The following BCO1 variants were observed in gnomAD, a reference collection of about 807,000 sequenced individuals.
BCO1 encodes beta,beta-carotene 15,15'-dioxygenase.
Under a neutral mutation model 56.3 loss-of-function variants are expected in BCO1, and 54 were observed. The observed-to-expected ratio is 0.96, with a 90% confidence interval of 0.77 to 1.20. BCO1 has a LOEUF of 1.20. BCO1 is among the 50% of genes most tolerant of loss of function. The probability of loss-of-function intolerance (pLI) is 0.00; values close to 1 mark genes in which losing one functional copy is unlikely to be tolerated. For missense variants in BCO1, 801 were observed against 690.9 expected (o/e 1.16, Z -1.79); for synonymous variants, 318 against 266.1 (o/e 1.20, Z -1.90).
chr16:81,262,741 C>T lies in BCO1; in HGVS notation c.471+458C>T, dbSNP rs376513245. The T allele has an allele frequency of 1.1e-4, 29 of 264,168 alleles. No individual in the cohort carries two copies. The East Asian group carries it at 2.3e-3, about 21-fold the overall frequency. The allele number at this position is 264,168 out of a possible 1,614,324, so 16.4% of individuals were successfully genotyped here. A position where few individuals can be genotyped will look rare whatever the true frequency, so the allele number is the denominator to read the frequency against. On this transcript the variant is annotated intron_variant, in intron 4 of 10. Transcript: ENST00000258168. ...TACTCTGAGGCTGAGGCAGGAGAAT[C>T]GCTTGAACTCAGGAGGGGGAGGTTG...
chr16:81,245,524 G>A lies in BCO1; in HGVS notation c.114G>A (p.Gly38=), dbSNP rs1409116730. 6.2e-7 allele frequency: 1 copy of A among 1,613,788 alleles called. No individual in the cohort carries two copies. Among genetic ancestry groups the A allele is most frequent in the Non-Finnish European group, 8.5e-7 (1 of 1,179,704 alleles). Reference sequence around the variant, plus strand: ...GAACCCTGCTCCGCAATGGGCCTGGGATGCACACAGTTGGGGAGTCCAGAT... The same window carrying A: ...GAACCCTGCTCCGCAATGGGCCTGGAATGCACACAGTTGGGGAGTCCAGAT... The part of the protein sequence containing the change: ...LQGTLLRNGP[G]MHTVGESRYN... The change falls in exon 2 of 11, where the codon GGG becomes GGA. Residue 38 remains glycine (G), a synonymous_variant. Coordinates refer to ENST00000258168, the MANE Select transcript of BCO1 (RefSeq NM_017429.3).
chr16:81,282,314 G>A (rs1907927200), intron 8 of BCO1, among the ~76,000 whole-genome samples: 1 of 152,160 alleles, frequency 6.6e-6, no homozygotes, highest in Admixed American at 6.5e-5. Flanking sequence ...GAACCCCGAA[G>A]GCAGAGCAGA....
At chr16:81,266,600 AG>A (rs1199585920) in intron 5 of BCO1, among the ~76,000 whole-genome samples, 1 of 152,150 alleles carries the variant, frequency 6.6e-6, no homozygotes, top group African/African-American at 2.4e-5. Context: ...AAAGGGATAT[AG>A]GGGTCAAGCT....
chr16:81,251,261 A>G (rs1905780069), intron 2 of BCO1, among the ~76,000 whole-genome samples: 1 of 152,068 alleles, frequency 6.6e-6, no homozygotes, highest in Non-Finnish European at 1.5e-5. Context: ...AATGCTCTAA[A>G]AAAAAAACAA....
chr16:81,280,084 GA>G (rs2150638542), intron 7 of BCO1, among the ~76,000 whole-genome samples: 1 of 151,864 alleles, frequency 6.6e-6, no homozygotes, highest in South Asian at 2.1e-4. Flanking sequence ...CCAACATGAT[GA>G]AACCCCATCT....
At chr16:81,253,387 G>A (rs1905931335) in intron 2 of BCO1, among the ~76,000 whole-genome samples, 1 of 152,176 alleles carries the variant, frequency 6.6e-6, no homozygotes, top group African/African-American at 2.4e-5. Flanking sequence ...CGATCCTCAT[G>A]TCATAGTGGA....
chr16:81,274,364 C>T (rs920336256), intron 7 of BCO1, among the ~76,000 whole-genome samples: 10 of 150,846 alleles, frequency 6.6e-5, no homozygotes, highest in East Asian at 4.0e-4. Flanking sequence ...CCCGGGTTCA[C>T]GCCATTCTGC....
intron 5 of BCO1, among the ~76,000 whole-genome samples, chr16:81,266,753 A>G (rs1906853203): frequency 6.6e-6 from 1 of 152,184 alleles, no homozygotes; most frequent in African/African-American, 2.4e-5. Context: ...ACATCCTGCA[A>G]GCAGAGATCC....
Position 81,274,373 on chromosome 16 carries a change from G to C in BCO1, c.1101+3957G>C, listed in dbSNP as rs930359450. Among the ~76,000 whole-genome samples the C allele has an allele frequency of 8.8e-5, 13 of 148,304 alleles. No homozygotes were observed. In the South Asian group the frequency reaches 1.9e-3, roughly 22 times the overall value. ...CCGCCTCCCGGGTTCACGCCATTCT[G>C]CTGCCTCAGCCTCCCTAGTGGCTGG... On this transcript the variant is annotated intron_variant, in intron 7 of 10. Transcript: ENST00000258168.
intron 1 of BCO1, among the ~76,000 whole-genome samples, chr16:81,242,906 G>T (rs1905202997): frequency 6.6e-6 from 1 of 152,074 alleles, no homozygotes; most frequent in Non-Finnish European, 1.5e-5. Context: ...GCACATAGGA[G>T]GGATCTAGGT....
rs376777332 is a variant in BCO1, at chr16:81,270,407, C to T, written c.1092C>T (p.His364=). 18 of 1,613,890 alleles carry T rather than the reference C, an allele frequency of 1.1e-5. No individual in the cohort carries two copies. The highest frequency in any genetic ancestry group is 4.0e-5 in the African/African-American group (3 of 74,898). ...TCAGGAGGTTTGCCGTGCCCCTCCA[C>T]GTGGACAAGGTAATGGCTTCCAAGG... The part of the protein sequence containing the change: ...PTLRRFAVPL[H]VDKNAEVGTN... The change falls in exon 7 of 11, where the codon CAC becomes CAT. Residue 364 remains histidine (H), a synonymous_variant. Transcript: ENST00000258168.
At chr16:81,256,994 A>G (rs938270517) in intron 2 of BCO1, among the ~76,000 whole-genome samples, 11 of 152,118 alleles carry the variant, frequency 7.2e-5, no homozygotes, top group Non-Finnish European at 1.3e-4. Flanking sequence ...CTAATGTTCC[A>G]GCCCAGCCGA....
intron 1 of BCO1, among the ~76,000 whole-genome samples, chr16:81,243,442 C>T (rs1905227259): frequency 7.0e-6 from 1 of 143,156 alleles, no homozygotes; most frequent in African/African-American, 2.6e-5. Context: ...GCTTGCCCGT[C>T]TCCTGGTCTT....
chr16:81,279,785 C>A (rs1215547697), intron 7 of BCO1, among the ~76,000 whole-genome samples: 1 of 152,182 alleles, frequency 6.6e-6, no homozygotes, highest in Non-Finnish European at 1.5e-5. Context: ...CAAAATCTGA[C>A]TGTAAATTGA....
chr16:81,249,466 C>T (rs1042151918), intron 2 of BCO1, among the ~76,000 whole-genome samples: 18 of 152,294 alleles, frequency 1.2e-4, no homozygotes, highest in East Asian at 1.9e-4. Context: ...CCGTGTTAGC[C>T]AGGATGGTCT....
intron 8 of BCO1, among the ~76,000 whole-genome samples, chr16:81,281,397 G>C (rs901400162): frequency 2.6e-5 from 4 of 152,210 alleles, no homozygotes; most frequent in African/African-American, 9.7e-5. Flanking sequence ...AGTGAGTTGA[G>C]ATTGTGCTAT....
chr16:81,241,618 C>G (rs1905114438), intron 1 of BCO1, among the ~76,000 whole-genome samples: 1 of 152,194 alleles, frequency 6.6e-6, no homozygotes, highest in African/African-American at 2.4e-5. Flanking sequence ...TTCACAAGCC[C>G]TCAGGCGATT....
intron 2 of BCO1, among the ~76,000 whole-genome samples, chr16:81,255,996 A>G (rs8062859): frequency 0.024 from 3,650 of 151,316 alleles, 149 homozygotes; most frequent in African/African-American, 0.084. Flanking sequence ...TTGTATTTTT[A>G]GTAGAGATGG....
In BCO1 at chr16:81,287,242, A is replaced by G. The variant is rs973265314; in HGVS notation, c.1303-53A>G. 2.3e-6 allele frequency: 3 copies of G among 1,320,894 alleles called. No individual in the cohort carries two copies. The African/African-American group carries it at 4.3e-5, about 19-fold the overall frequency. 81.8% of individuals were successfully genotyped at this position (1,320,894 alleles called of 1,614,324 possible). On this transcript the variant is annotated intron_variant, in intron 9 of 10. Transcript: ENST00000258168. ...CTTCATGCACTCCTATTTGCAGAGAATAGTATTCTCTCAAACAAGTCATTT... is the reference window on the plus strand; with the variant it reads ...CTTCATGCACTCCTATTTGCAGAGAGTAGTATTCTCTCAAACAAGTCATTT...
Sources: gnomAD v4.1 joint callset for allele counts (sites outside exome capture counted in the v4.1 genomes callset) on GRCh38, gnomAD v4.1.1 for gene constraint, MANE v1.5 for transcripts, NCBI Gene and HGNC (gene_info 2026-07-23, HGNC 2026-07-21) for gene names.